NRXN3: variants seen among roughly 807,000 people sequenced by gnomAD.
The protein encoded by NRXN3 is neurexin 3, also known as neurexin III.
In NRXN3, 32 loss-of-function variants were observed where a neutral mutation model predicts 137.6. The observed-to-expected ratio is 0.23, with a 90% CI of 0.18 to 0.31. NRXN3 has a LOEUF of 0.31. Among genes scored for constraint, NRXN3 ranks in the 10% least tolerant of loss-of-function variants. NRXN3 has a pLI of 1.00. For missense variants in NRXN3, 1,574 were observed against 2,062.5 expected (o/e 0.76, Z 4.59); for synonymous variants, 798 against 784.5 (o/e 1.02, Z -0.29).
At chr14:78,681,777 G>C (rs1196661369) in intron 6 of NRXN3, among the ~76,000 whole-genome samples, 2 of 152,148 alleles carry the variant, frequency 1.3e-5, no homozygotes, top group Non-Finnish European at 2.9e-5. Context: ...ATCAGTGAAG[G>C]AGATGAGAAG....
chr14:79,861,864 A>T lies in NRXN3; in HGVS notation c.4616A>T (p.Asn1539Ile). ...QVDETRNYIS[N>I]SAQSNGTLMK... ...GACGAGACGCGGAACTACATCAGCA[A>T]CTCCGCCCAGAGCAACGGCACGCTC... Residue 1539 changes from asparagine to isoleucine, a missense_variant, in exon 21 of 21, where the codon AAC becomes ATC. This residue lies in a region of NRXN3 where 320 missense variants were observed against 387.1 expected (regional missense o/e 0.83). Transcript: ENST00000335750. This position sits in a 1 kb window ranked among gnomAD's most constrained non-coding sequence, Gnocchi z 5.4. The T allele has an allele frequency of 6.2e-7, 1 of 1,613,994 alleles. No individual in the cohort carries two copies. Among genetic ancestry groups the T allele is most frequent in the African/African-American group, 1.3e-5 (1 of 74,980 alleles).
intron 15 of NRXN3, among the ~76,000 whole-genome samples, chr14:79,160,687 C>T (rs2060685652): frequency 6.6e-6 from 1 of 151,774 alleles, no homozygotes; most frequent in Admixed American, 6.6e-5. Context: ...AAACACTTGC[C>T]ATCTGCAATT....
At chr14:78,785,764 C>T (rs1595849748) in intron 8 of NRXN3, among the ~76,000 whole-genome samples, 1 of 152,134 alleles carries the variant, frequency 6.6e-6, no homozygotes, top group East Asian at 1.9e-4. Flanking sequence ...TTGCTTAATA[C>T]CTACCCCACA....
chr14:78,433,390 C>T (rs537341282), intron 4 of NRXN3, among the ~76,000 whole-genome samples: 2 of 152,268 alleles, frequency 1.3e-5, no homozygotes, highest in South Asian at 2.1e-4. Flanking sequence ...CCTAGATAAT[C>T]TTCCTTTTGC....
intron 15 of NRXN3, among the ~76,000 whole-genome samples, chr14:79,050,790 A>T (rs963812020): frequency 3.3e-5 from 5 of 152,196 alleles, no homozygotes; most frequent in Non-Finnish European, 7.3e-5. Flanking sequence ...TGGGCTACAG[A>T]TTCCCCAAGA....
intron 15 of NRXN3, among the ~76,000 whole-genome samples, chr14:79,154,996 A>G (rs1172246881): frequency 6.6e-6 from 1 of 151,892 alleles, no homozygotes; most frequent in Non-Finnish European, 1.5e-5. Flanking sequence ...ATGAGTATAC[A>G]GAGATTGAGA....
At chr14:79,098,294 C>T (rs2050694949) in intron 15 of NRXN3, among the ~76,000 whole-genome samples, 1 of 152,022 alleles carries the variant, frequency 6.6e-6, no homozygotes, top group South Asian at 2.1e-4. Context: ...GGGAGATACC[C>T]CAGTTCCTTA....
chr14:79,227,309 A>G (rs924587120), intron 15 of NRXN3, among the ~76,000 whole-genome samples: 5 of 150,880 alleles, frequency 3.3e-5, no homozygotes, highest in Admixed American at 2.0e-4. Flanking sequence ...CTTTTCTTTC[A>G]CCTCTTATAC....
intron 4 of NRXN3, among the ~76,000 whole-genome samples, chr14:78,608,445 T>C (rs966760933): frequency 5.9e-5 from 9 of 152,180 alleles, no homozygotes; most frequent in Non-Finnish European, 1.2e-4. Context: ...TTCACATAAA[T>C]AGATTAATTT....
At position 78,878,826 on chromosome 14, in the gene NRXN3, CT is replaced by C. The variant is rs1459513087; in HGVS notation, c.2275+68485del. On this transcript the variant is annotated intron_variant, in intron 10 of 20. Coordinates refer to ENST00000335750, the MANE Select transcript of NRXN3 (RefSeq NM_001330195.2). Reference sequence around the variant, plus strand: ...TTCCATCTAACTGGAATTTTGTACCCTTTGGTCAAACATCTCTCTAATCCCA... The same window carrying C: ...TTCCATCTAACTGGAATTTTGTACCCTTGGTCAAACATCTCTCTAATCCCA... Among the ~76,000 whole-genome samples, 3 of 152,108 alleles carry C rather than the reference CT, an allele frequency of 2.0e-5. No homozygotes were observed. The East Asian group carries it at 5.8e-4, about 29-fold the overall frequency.
At chr14:78,966,650 G>A (rs2099417913) in intron 12 of NRXN3, among the ~76,000 whole-genome samples, 1 of 152,138 alleles carries the variant, frequency 6.6e-6, no homozygotes. Context: ...ATGAAATGTA[G>A]CCCTTTAAAA....
intron 6 of NRXN3, among the ~76,000 whole-genome samples, chr14:78,679,383 CT>C (rs1317076537): frequency 6.6e-6 from 1 of 152,018 alleles, no homozygotes; most frequent in East Asian, 1.9e-4. Context: ...TAGTCTTTTT[CT>C]TACATTTTCT....
intron 14 of NRXN3, among the ~76,000 whole-genome samples, chr14:78,975,567 A>T (rs758103753): frequency 8.5e-5 from 13 of 152,108 alleles, no homozygotes; most frequent in Non-Finnish European, 1.6e-4. Flanking sequence ...TTTTATCAGG[A>T]TCACTCTGAC....
intron 15 of NRXN3, among the ~76,000 whole-genome samples, chr14:79,243,402 G>A (rs1205614092): frequency 1.3e-5 from 2 of 152,168 alleles, no homozygotes; most frequent in African/African-American, 2.4e-5. Context: ...TTAACTAAGA[G>A]TGTAACCTAT....
intron 16 of NRXN3, among the ~76,000 whole-genome samples, chr14:79,547,303 C>G (rs755750392): frequency 9.2e-5 from 14 of 152,180 alleles, no homozygotes; most frequent in Non-Finnish European, 1.8e-4. Flanking sequence ...ATTACTCCAT[C>G]TATCTTCTTT....
intron 15 of NRXN3, among the ~76,000 whole-genome samples, chr14:79,432,588 T>C (rs1158226658): frequency 1.3e-5 from 2 of 152,206 alleles, no homozygotes; most frequent in Non-Finnish European, 2.9e-5. Context: ...CCCTTCCCCA[T>C]TTTCAATCAC....
At chr14:79,707,664 T>G (rs900527932) in intron 19 of NRXN3, among the ~76,000 whole-genome samples, 2 of 152,222 alleles carry the variant, frequency 1.3e-5, no homozygotes, top group African/African-American at 4.8e-5. Context: ...AACTATATTT[T>G]CTTTTTTATT....
At chr14:79,557,795 C>T (rs2097446101) in intron 16 of NRXN3, among the ~76,000 whole-genome samples, 1 of 151,974 alleles carries the variant, frequency 6.6e-6, no homozygotes, top group Admixed American at 6.6e-5. Flanking sequence ...TAAAATAAGA[C>T]AATAATAAAG....
intron 15 of NRXN3, among the ~76,000 whole-genome samples, chr14:79,110,822 G>A (rs1243553666): frequency 6.9e-6 from 1 of 145,694 alleles, no homozygotes. Context: ...ACGGAGTCTC[G>A]ATCAGTCGCC....
Sources: gnomAD v4.1 joint callset for allele counts (sites outside exome capture counted in the v4.1 genomes callset) on GRCh38, gnomAD v4.1.1 for gene constraint, gnomAD v4.1.1 regional missense constraint, Gnocchi (gnomAD v3.1) non-coding constraint, MANE v1.5 for transcripts, NCBI Gene and HGNC (gene_info 2026-07-23, HGNC 2026-07-21) for gene names.